The following KIAA0825 variants were observed in gnomAD, a reference collection of about 807,000 sequenced individuals.
The protein encoded by KIAA0825 is KIAA0825.
KIAA0825 carries 119 observed loss-of-function variants against 147.6 expected under a neutral mutation model. The observed-to-expected ratio is 0.81, with a 90% CI of 0.69 to 0.94. The LOEUF (loss-of-function observed/expected upper bound fraction) is 0.94. Ranked by LOEUF, KIAA0825 falls within the 40% of genes least tolerant of loss-of-function variation. The pLI is 0.00. For synonymous variants in KIAA0825, 470 were observed against 518.1 expected (o/e 0.91, Z 1.26); for missense variants, 1,381 against 1,472.7 (o/e 0.94, Z 1.02).
chr5:94,597,395 T>C (rs899194281), intron 1 of KIAA0825, among the ~76,000 whole-genome samples: 8 of 152,082 alleles, frequency 5.3e-5, no homozygotes, highest in Non-Finnish European at 1.0e-4. Context: ...TATTTGGAAG[T>C]TAAAGAGCAC....
At chr5:94,524,134 A>G (rs746448852) in intron 3 of KIAA0825, 36 bp from the exon 4 acceptor site, 2 of 1,400,196 alleles carry the variant, frequency 1.4e-6, no homozygotes, top group African/African-American at 1.4e-5. Context: ...TTTTGGCAGG[A>G]TATAGATAAT....
intron 6 of KIAA0825, among the ~76,000 whole-genome samples, chr5:94,479,377 G>A (rs546979809): frequency 5.7e-4 from 86 of 152,034 alleles, no homozygotes; most frequent in African/African-American, 2.0e-3. Context: ...GGCTTCTTTC[G>A]CTTAGTGATA....
At chr5:94,524,348 T>C (rs549911821) in intron 3 of KIAA0825, among the ~76,000 whole-genome samples, 1 of 151,816 alleles carries the variant, frequency 6.6e-6, no homozygotes, top group Admixed American at 6.6e-5. Flanking sequence ...GAAATTCTTT[T>C]GTGTTGAAAC....
intron 2 of KIAA0825, among the ~76,000 whole-genome samples, chr5:94,573,270 G>GTTTTTT (rs534638768): frequency 8.0e-6 from 1 of 124,926 alleles, no homozygotes; most frequent in African/African-American, 3.0e-5. Context: ...CTTTTTAAGT[G>GTTTTTT]TTTTTTTTTT....
intron 3 of KIAA0825, among the ~76,000 whole-genome samples, chr5:94,534,360 A>C (rs1015293248): frequency 5.9e-5 from 9 of 152,182 alleles, no homozygotes; most frequent in African/African-American, 2.2e-4. Context: ...ATTTTAAAAA[A>C]TATATATACC....
intron 3 of KIAA0825, among the ~76,000 whole-genome samples, chr5:94,533,411 G>C (rs1187338861): frequency 6.6e-6 from 1 of 151,674 alleles, no homozygotes; most frequent in Non-Finnish European, 1.5e-5. Context: ...TGAGTAGCTG[G>C]GATTACAGGT....
intron 18 of KIAA0825, among the ~76,000 whole-genome samples, chr5:94,388,862 G>A (rs1749533284): frequency 6.6e-6 from 1 of 152,138 alleles, no homozygotes; most frequent in Non-Finnish European, 1.5e-5. Context: ...TTATGTCAAA[G>A]CTTATTCCTC....
intron 18 of KIAA0825, among the ~76,000 whole-genome samples, chr5:94,390,622 CTGTT>C (rs928334833): frequency 6.6e-6 from 1 of 152,192 alleles, no homozygotes; most frequent in African/African-American, 2.4e-5. Context: ...TGTTTATCGA[CTGTT>C]TGATCTATGA....
intron 20 of KIAA0825, among the ~76,000 whole-genome samples, chr5:94,341,936 G>A (rs533708156): frequency 6.6e-6 from 1 of 152,180 alleles, no homozygotes; most frequent in Non-Finnish European, 1.5e-5. Context: ...GCTCATGTCT[G>A]TAATCCCAGC....
intron 20 of KIAA0825, among the ~76,000 whole-genome samples, chr5:94,235,228 C>T (rs552341509): frequency 1.6e-4 from 25 of 152,116 alleles, no homozygotes; most frequent in Admixed American, 2.6e-4. Context: ...TGAATGCAAA[C>T]GAAACATTTT....
At chr5:94,169,262 T>C (rs1460137775) in intron 20 of KIAA0825, among the ~76,000 whole-genome samples, 6 of 152,182 alleles carry the variant, frequency 3.9e-5, no homozygotes, top group Non-Finnish European at 1.5e-5. Flanking sequence ...ACTCATATTT[T>C]GATTGAAATT....
intron 2 of KIAA0825, among the ~76,000 whole-genome samples, chr5:94,577,236 T>A (rs1354686770): frequency 1.3e-5 from 2 of 152,190 alleles, no homozygotes; most frequent in East Asian, 3.8e-4. Flanking sequence ...AGAAGAGATA[T>A]TTTTAAGAAA....
chr5:94,442,489 A>G (rs1243155359), intron 13 of KIAA0825, among the ~76,000 whole-genome samples: 2 of 152,180 alleles, frequency 1.3e-5, no homozygotes, highest in African/African-American at 4.8e-5. Flanking sequence ...GTTCTGAATT[A>G]CTTTTGCAGA....
chr5:94,475,536 G>T (rs890162153), intron 7 of KIAA0825, among the ~76,000 whole-genome samples: 12 of 152,192 alleles, frequency 7.9e-5, no homozygotes, highest in African/African-American at 2.9e-4. Flanking sequence ...GGCCAGGCAT[G>T]ATGGCTTACG....
chr5:94,488,898 C>T (rs1041673326), intron 5 of KIAA0825, among the ~76,000 whole-genome samples: 2 of 152,172 alleles, frequency 1.3e-5, no homozygotes, highest in African/African-American at 4.8e-5. Flanking sequence ...CTTAGTGTTT[C>T]TCAAACGTTT....
chr5:94,532,823 AT>A (rs1445603088), intron 3 of KIAA0825, among the ~76,000 whole-genome samples: 1 of 149,970 alleles, frequency 6.7e-6, no homozygotes, highest in Non-Finnish European at 1.5e-5. Flanking sequence ...CTTTCTTTAG[AT>A]TAAAAAAAAA....
rs1458011939 is a variant in KIAA0825, at chr5:94,554,752, A to G, written c.-1-17625T>C. On this transcript the variant is annotated intron_variant, in intron 2 of 20. Coordinates refer to ENST00000682413, the MANE Select transcript of KIAA0825 (RefSeq NM_001145678.3). ...TATATATATATATATATATATATAT[A>G]TATATATATGAATTCATTTAATTCT... 3.1e-5 allele frequency among the ~76,000 whole-genome samples: 4 copies of G among 128,132 alleles called. No homozygotes were observed. In the East Asian group the frequency reaches 7.1e-4, roughly 23 times the overall value. 84.1% of individuals were successfully genotyped at this position (128,132 alleles called of 152,430 possible). A position where few individuals can be genotyped will look rare whatever the true frequency, so the allele number is the denominator to read the frequency against.
chr5:94,513,042 A>G (rs1400152580), intron 5 of KIAA0825, among the ~76,000 whole-genome samples: 1 of 152,220 alleles, frequency 6.6e-6, no homozygotes, highest in African/African-American at 2.4e-5. Flanking sequence ...AATTTCTGAC[A>G]ACAATCTCAT....
chr5:94,574,833 C>T (rs561743409), intron 2 of KIAA0825, among the ~76,000 whole-genome samples: 8 of 152,048 alleles, frequency 5.3e-5, no homozygotes, highest in Non-Finnish European at 8.8e-5. Context: ...TCAAGCAATC[C>T]TCCTGCCTCA....
Sources: allele counts gnomAD v4.1 joint callset (sites outside exome capture counted in the v4.1 genomes callset), GRCh38; gene constraint gnomAD v4.1.1; transcripts MANE v1.5; gene names NCBI Gene and HGNC (gene_info 2026-07-23, HGNC 2026-07-21).